ZDHHC11: variants seen among roughly 807,000 people sequenced by gnomAD.
The protein encoded by ZDHHC11 is zDHHC palmitoyltransferase 11.
ZDHHC11 carries 44 observed loss-of-function variants against 51.3 expected under a neutral mutation model. The observed-to-expected ratio is 0.86, with a 90% confidence interval of 0.67 to 1.10. ZDHHC11 has a LOEUF of 1.10. Among genes scored for constraint, ZDHHC11 ranks in the 50% least tolerant of loss-of-function variants. The pLI is 0.00. For synonymous variants in ZDHHC11, 163 were observed against 222.0 expected (o/e 0.73, Z 2.36); for missense variants, 400 against 537.7 (o/e 0.74, Z 2.53).
intron 11 of ZDHHC11, among the ~76,000 whole-genome samples, chr5:812,386 A>G (rs1220997449): frequency 2.0e-5 from 3 of 152,048 alleles, no homozygotes; most frequent in African/African-American, 7.3e-5. Flanking sequence ...AGTATCGACA[A>G]TACAAACAAC....
Position 795,817 on chromosome 5 carries a change from C to T in ZDHHC11, c.*771G>A, listed in dbSNP as rs1410713743. The T allele has an allele frequency of 9.6e-4, 148 of 153,560 alleles. 4 individuals are homozygous for T. The highest frequency in any genetic ancestry group is 3.6e-3 in the African/African-American group (146 of 40,888). 9.5% of individuals were successfully genotyped at this position (153,560 alleles called of 1,614,324 possible). Reference sequence around the variant, plus strand: ...TTTCCCAGTACTATGCTCCCATTTCCCAGTACTGTGCTCCCATTTCCCAGT... The same window carrying T: ...TTTCCCAGTACTATGCTCCCATTTCTCAGTACTGTGCTCCCATTTCCCAGT... On this transcript the variant is annotated 3_prime_UTR_variant, in exon 13 of 13. Coordinates refer to ENST00000283441, the MANE Select transcript of ZDHHC11 (RefSeq NM_024786.3).
chr5:814,957 C>T (rs1740584539), intron 10 of ZDHHC11, among the ~76,000 whole-genome samples, 162 bp from the exon 11 acceptor site: 1 of 151,550 alleles, frequency 6.6e-6, no homozygotes, highest in Admixed American at 6.6e-5. Context: ...CAGCACCCTT[C>T]CTCCCAATCC....
chr5:840,437 T>C (rs767163082), intron 5 of ZDHHC11, 58 bp downstream of exon 5: 1 of 1,611,532 alleles, frequency 6.2e-7, no homozygotes, highest in Admixed American at 1.7e-5. Context: ...AGGTGTAAGA[T>C]GAGCAGCTCT....
chr5:816,364 C>T (rs1740791983), intron 10 of ZDHHC11: 4 of 335,162 alleles, frequency 1.2e-5, no homozygotes, highest in South Asian at 2.2e-5. Flanking sequence ...AGCAGCTGCA[C>T]GGGCGGGAGG....
Position 850,517 on chromosome 5 carries a change from G to C in ZDHHC11, c.86C>G (p.Ser29Cys), listed in dbSNP as rs1333335226. 1.2e-6 allele frequency: 2 copies of C among 1,613,802 alleles called. No homozygotes were observed. The highest frequency in any genetic ancestry group is 2.2e-5 in the East Asian group (1 of 44,886). The part of the protein sequence containing the change: ...NEKLVLPPRI[S>C]RVNGWSLPLH... ...GGGTAACGACCAGCCGTTCACTCTG[G>C]AGATGCGGGGCGGCAAGACCAGCTT... Residue 29 changes from serine to cysteine, a missense_variant, in exon 1 of 13, where the codon TCC becomes TGC. Physicochemically the swap from Ser to Cys is moderately radical, Grantham distance 112. Coordinates refer to ENST00000283441, the MANE Select transcript of ZDHHC11 (RefSeq NM_024786.3).
Position 850,465 on chromosome 5 carries a change from C to G in ZDHHC11, c.138G>C (p.Trp46Cys). 2 of 1,613,666 alleles carry G rather than the reference C, an allele frequency of 1.2e-6. No homozygotes were observed. The highest frequency in any genetic ancestry group is 1.7e-6 in the Non-Finnish European group (2 of 1,180,032). The change falls in exon 1 of 13, where the codon TGG becomes TGC. Residue 46 changes from tryptophan to cysteine, a missense_variant. Transcript: ENST00000283441. ...CCGAGGAAAGGCCCACGAAGACAGC[C>G]CAGGTCACCACCTGGAAGTAGTGCA... ...LPLHYFQVVT[W>C]AVFVGLSSAT... is the part of the protein sequence containing the mutation.
chr5:817,279 T>C (rs1015568123), intron 10 of ZDHHC11, among the ~76,000 whole-genome samples: 7 of 151,588 alleles, frequency 4.6e-5, no homozygotes, highest in Non-Finnish European at 7.4e-5. Context: ...TTTGTACTTA[T>C]CAATACTTTA....
chr5:796,836 G>C (rs1416924901), intron 12 of ZDHHC11, among the ~76,000 whole-genome samples: 1 of 152,218 alleles, frequency 6.6e-6, no homozygotes, highest in Non-Finnish European at 1.5e-5. Context: ...CACCGACAGA[G>C]GCCATTTTCT....
In ZDHHC11 at chr5:823,945, T is replaced by G. The variant is rs1276088253; in HGVS notation, c.1023+1219A>C. ...GGGGGCTCAATCGATTTCCACCGAG[T>G]GTGTCTCCAAATCTTTGCTGGAAGT... On this transcript the variant is annotated intron_variant, in intron 8 of 12. Transcript: ENST00000283441. 9.7e-6 allele frequency: 4 copies of G among 410,356 alleles called. 1 individual carries two copies. The highest frequency in any genetic ancestry group is 2.0e-5 in the Non-Finnish European group (4 of 200,338). The allele number at this position is 410,356 out of a possible 1,614,324, so 25.4% of individuals were successfully genotyped here. A position where few individuals can be genotyped will look rare whatever the true frequency, so the allele number is the denominator to read the frequency against.
chr5:843,332 C>T, intron 4 of ZDHHC11: 2 of 570,390 alleles, frequency 3.5e-6, no homozygotes, highest in Non-Finnish European at 3.0e-6. Flanking sequence ...AGAGGTGGAC[C>T]CCACTGTCTC....
chr5:822,623 G>A (rs1741711914), intron 8 of ZDHHC11, among the ~76,000 whole-genome samples: 1 of 151,422 alleles, frequency 6.6e-6, no homozygotes, highest in African/African-American at 2.4e-5. Flanking sequence ...CAATGGATGA[G>A]ACTTCCAGTT....
At chr5:843,366 T>A in intron 4 of ZDHHC11, 1 of 684,400 alleles carries the variant, frequency 1.5e-6, no homozygotes, top group Non-Finnish European at 2.3e-6. Flanking sequence ...CCTGGCAGCA[T>A]CTACAGAGCA....
In ZDHHC11 at chr5:832,162, C is replaced by T. The variant is rs1252994069; in HGVS notation, c.935+1611G>A. On this transcript the variant is annotated intron_variant, in intron 7 of 12. Coordinates refer to ENST00000283441, the MANE Select transcript of ZDHHC11 (RefSeq NM_024786.3). ...GAATGAAATATCAGCACTCACACAACCTGGAGTTGCAGACCATTATTCTAA... is the reference window on the plus strand; with the variant it reads ...GAATGAAATATCAGCACTCACACAATCTGGAGTTGCAGACCATTATTCTAA... Among the ~76,000 whole-genome samples the T allele has an allele frequency of 2.5e-5, 3 of 117,886 alleles. 1 individual carries two copies. The highest frequency in any genetic ancestry group is 1.6e-4 in the Admixed American group (2 of 12,736). 77.3% of individuals were successfully genotyped at this position (117,886 alleles called of 152,430 possible).
intron 12 of ZDHHC11, among the ~76,000 whole-genome samples, chr5:796,918 T>C (rs1183099420): frequency 9.9e-5 from 15 of 152,190 alleles, no homozygotes; most frequent in Admixed American, 9.8e-4. Flanking sequence ...TTAAAAAATA[T>C]TTTCTTTGGC....
intron 6 of ZDHHC11, among the ~76,000 whole-genome samples, 153 bp downstream of exon 6, chr5:837,212 T>C (rs1743996654): frequency 6.6e-6 from 1 of 152,072 alleles, no homozygotes. Flanking sequence ...GACACACCCA[T>C]GCACAGAGCC....
chr5:846,288 G>A (rs1248782954), intron 3 of ZDHHC11, among the ~76,000 whole-genome samples: 7 of 151,172 alleles, frequency 4.6e-5, no homozygotes, highest in African/African-American at 9.8e-5. Context: ...ACCAGGCAAC[G>A]TTGGTCCCCA....
chr5:849,824 C>CA (rs1746864618), intron 1 of ZDHHC11: 1 of 153,866 alleles, frequency 6.5e-6, no homozygotes, highest in Admixed American at 6.4e-5. Flanking sequence ...GGGACAAACA[C>CA]AGACTCTCCA....
intron 6 of ZDHHC11, among the ~76,000 whole-genome samples, chr5:834,319 T>C (rs866131824): frequency 7.7e-4 from 117 of 152,164 alleles, no homozygotes; most frequent in Admixed American, 1.6e-3. Flanking sequence ...AAGGAGTTTG[T>C]TCAAATCTTT....
intron 3 of ZDHHC11, among the ~76,000 whole-genome samples, chr5:847,096 G>GT (rs1746356721): frequency 5.1e-5 from 7 of 137,874 alleles, no homozygotes; most frequent in African/African-American, 2.2e-4. Context: ...CCTCTCATCT[G>GT]TGAGCCTCGA....
Sources: gnomAD v4.1 joint callset for allele counts (sites outside exome capture counted in the v4.1 genomes callset) on GRCh38, gnomAD v4.1.1 for gene constraint, MANE v1.5 for transcripts, NCBI Gene and HGNC (gene_info 2026-07-23, HGNC 2026-07-21) for gene names.